Variants in CPSF6 observed in about 807,000 individuals in gnomAD.
CPSF6 encodes the protein cleavage and polyadenylation specificity factor subunit 6.
CPSF6 carries 10 observed loss-of-function variants against 56.7 expected under a neutral mutation model. That is an observed-to-expected ratio of 0.18 (90% CI 0.11 to 0.30). The LOEUF (loss-of-function observed/expected upper bound fraction) is 0.30, where lower values mean the gene tolerates loss of function less well. CPSF6 is among the 10% of genes least tolerant of loss of function. CPSF6 has a pLI of 1.00. For missense variants in CPSF6, 419 were observed against 722.9 expected, an observed-to-expected ratio of 0.58 and a Z score of 4.82; for synonymous variants, 248 against 244.8, an observed-to-expected ratio of 1.01 and a Z score of -0.12.
At chr12:69,240,637 A>G (rs943265855) in intron 1 of CPSF6, among the ~76,000 whole-genome samples, 1 of 152,170 alleles carries the variant, frequency 6.6e-6, no homozygotes. Context: ...GTTTAAAAAT[A>G]AAGAGTTATA....
In CPSF6 at chr12:69,258,879, C is replaced by A. The variant is rs756356598; in HGVS notation, c.984C>A (p.Pro328=). The A allele has an allele frequency of 1.2e-6, 2 of 1,613,980 alleles. No homozygotes were observed. Among genetic ancestry groups the A allele is most frequent in the Non-Finnish European group, 8.5e-7 (1 of 1,180,028 alleles). The change falls in exon 6 of 10, where the codon CCC becomes CCA. Residue 328 remains proline (P), a synonymous_variant. Coordinates refer to ENST00000435070, the MANE Select transcript of CPSF6 (RefSeq NM_007007.3). The surrounding 1 kb of genome is among the most constrained non-coding windows in gnomAD (Gnocchi z 4.2). ...CAGGCCCCTTTCCACCTCGTCCACC[C>A]GGTCCACTTGGGCCACCCCTTACAC... is the stretch of plus-strand genomic sequence containing the variant. ...PPPGPFPPRP[P]GPLGPPLTLA... is the part of the protein sequence containing the mutation.
At chr12:69,252,426 A>G (rs1872295495) in intron 2 of CPSF6, among the ~76,000 whole-genome samples, 1 of 152,132 alleles carries the variant, frequency 6.6e-6, no homozygotes, top group African/African-American at 2.4e-5. Flanking sequence ...CAGTCTGAGT[A>G]TTCTATAAAA....
chr12:69,255,883 G>A (rs1479682390), intron 3 of CPSF6, among the ~76,000 whole-genome samples: 1 of 152,124 alleles, frequency 6.6e-6, no homozygotes, highest in African/African-American at 2.4e-5. Context: ...CCACCCTAGT[G>A]GGTATGGGGT....
At chr12:69,241,362 TTTTA>T in intron 1 of CPSF6, among the ~76,000 whole-genome samples, 1 of 152,216 alleles carries the variant, frequency 6.6e-6, no homozygotes, top group African/African-American at 2.4e-5. Context: ...ATTTTTTTCC[TTTTA>T]TTTATCAAAT....
chr12:69,258,498 C>A lies in CPSF6; in HGVS notation c.695-92C>A. ...TAAAGACAAAGACTTGGTGTATGCT[C>A]TATGCGTTTAAAGTATAATCTTGGC... On this transcript the variant is annotated intron_variant, in intron 5 of 9. Transcript: ENST00000435070. The surrounding 1 kb of genome is among the most constrained non-coding windows in gnomAD (Gnocchi z 4.2). 7.7e-7 allele frequency: 1 copy of A among 1,294,832 alleles called. No individual in the cohort carries two copies. Among genetic ancestry groups the A allele is most frequent in the Non-Finnish European group, 1.0e-6 (1 of 954,070 alleles). 80.2% of individuals were successfully genotyped at this position (1,294,832 alleles called of 1,614,324 possible).
intron 1 of CPSF6, among the ~76,000 whole-genome samples, chr12:69,242,628 C>T (rs1301707392): frequency 6.6e-6 from 1 of 152,110 alleles, no homozygotes; most frequent in Non-Finnish European, 1.5e-5. Context: ...CTGAGAACAG[C>T]TGGAAGGGGA....
At chr12:69,255,134 A>G (rs764546266) in intron 3 of CPSF6, 1 of 152,264 alleles carries the variant, frequency 6.6e-6, no homozygotes, top group Non-Finnish European at 1.5e-5. Flanking sequence ...AAATGGAATC[A>G]TAAAATACGT....
intron 9 of CPSF6, among the ~76,000 whole-genome samples, chr12:69,263,193 A>G (rs1036698412): frequency 4.6e-5 from 7 of 152,092 alleles, no homozygotes; most frequent in Non-Finnish European, 8.8e-5. Context: ...AAAGTTAATC[A>G]ATTAAAATGG....
At chr12:69,253,340 C>T (rs115875896) in intron 3 of CPSF6, among the ~76,000 whole-genome samples, 186 bp downstream of exon 3, 1 of 152,018 alleles carries the variant, frequency 6.6e-6, no homozygotes, top group African/African-American at 2.4e-5. Flanking sequence ...ACCCTATTAC[C>T]TAACACACTA....
At chr12:69,242,697 TCACA>T (rs1346168924) in intron 1 of CPSF6, among the ~76,000 whole-genome samples, 1 of 152,226 alleles carries the variant, frequency 6.6e-6, no homozygotes, top group African/African-American at 2.4e-5. Flanking sequence ...TGATTCTGTC[TCACA>T]GTAGCATATC....
intron 1 of CPSF6, among the ~76,000 whole-genome samples, chr12:69,248,605 G>T (rs1872038632): frequency 6.6e-6 from 1 of 152,148 alleles, no homozygotes; most frequent in East Asian, 1.9e-4. Context: ...ATTTGAGCAT[G>T]TTACTTTGTT....
In CPSF6 at chr12:69,259,082, G is replaced by C. The variant is rs1482051480; in HGVS notation, c.1187G>C (p.Gly396Ala). The C allele has an allele frequency of 6.2e-7, 1 of 1,600,374 alleles. No homozygotes were observed. Among genetic ancestry groups the C allele is most frequent in the South Asian group, 1.1e-5 (1 of 91,014 alleles). ...RPPPYDRGDY[G>A]PPGREMDTAR... ...CCACCATATGATAGGGGTGACTATG[G>C]CCCCCCTGGAAGGTAAGTTAGTGTG... The change falls in exon 6 of 10, where the codon GGC becomes GCC. Residue 396 changes from glycine (G) to alanine (A), a missense_variant. Transcript: ENST00000435070.
intron 1 of CPSF6, among the ~76,000 whole-genome samples, chr12:69,248,593 C>T (rs1161114851): frequency 6.6e-6 from 1 of 152,146 alleles, no homozygotes; most frequent in Non-Finnish European, 1.5e-5. Context: ...GTGGTCATTG[C>T]AATTTGAGCA....
chr12:69,259,341 G>A, intron 6 of CPSF6, 87 bp from the exon 7 acceptor site: 2 of 1,464,580 alleles, frequency 1.4e-6, no homozygotes, highest in East Asian at 4.6e-5. Context: ...CATGTCAGAA[G>A]CAGCTAGTAT....
intron 4 of CPSF6, among the ~76,000 whole-genome samples, chr12:69,257,466 T>C (rs1028130447): frequency 2.0e-5 from 3 of 152,186 alleles, no homozygotes; most frequent in African/African-American, 7.2e-5. Context: ...AGAATTTCGG[T>C]CTTGGCTGCT....
intron 3 of CPSF6, 66 bp downstream of exon 3, chr12:69,253,220 C>T (rs571366024): frequency 1.2e-6 from 1 of 822,362 alleles, no homozygotes; most frequent in African/African-American, 1.7e-5. Context: ...AGTTAACTTT[C>T]CTTTAAGTTA....
At chr12:69,244,941 C>A (rs1359453105) in intron 1 of CPSF6, among the ~76,000 whole-genome samples, 1 of 151,892 alleles carries the variant, frequency 6.6e-6, no homozygotes, top group African/African-American at 2.4e-5. Flanking sequence ...AGGAAGAGTA[C>A]ACTCTAACAT....
At chr12:69,254,201 C>T (rs979775006) in intron 3 of CPSF6, among the ~76,000 whole-genome samples, 6 of 151,928 alleles carry the variant, frequency 3.9e-5, no homozygotes, top group African/African-American at 7.3e-5. Context: ...AAATGACATT[C>T]TGCTCAATCT....
chr12:69,253,152 G>A lies in CPSF6; in HGVS notation c.372G>A (p.Lys124=). ...FFENRANGQS[K]GFALVGVGSE... ...AAAATCGGGCAAATGGCCAGTCAAAGGGGTAAGTTTTTTTTTTCTTTCTTT... is the reference window on the plus strand; with the variant it reads ...AAAATCGGGCAAATGGCCAGTCAAAAGGGTAAGTTTTTTTTTTCTTTCTTT... The change falls in exon 3 of 10, where the codon AAG becomes AAA. Residue 124 remains lysine, a splice_region_variant and synonymous_variant. Transcript: ENST00000435070. 1.3e-6 allele frequency: 2 copies of A among 1,509,734 alleles called. No homozygotes were observed. Among genetic ancestry groups the A allele is most frequent in the East Asian group, 2.3e-5 (1 of 44,082 alleles). 93.5% of individuals were successfully genotyped at this position (1,509,734 alleles called of 1,614,324 possible).
Sources: allele counts gnomAD v4.1 joint callset (sites outside exome capture counted in the v4.1 genomes callset), GRCh38; gene constraint gnomAD v4.1.1; non-coding constraint Gnocchi (gnomAD v3.1); transcripts MANE v1.5; gene names NCBI Gene and HGNC (gene_info 2026-07-23, HGNC 2026-07-21).